Variants in SYNRG observed in about 807,000 individuals in gnomAD.
SYNRG encodes AP1 gamma subunit binding protein 1.
A neutral mutation model predicts 130.9 loss-of-function variants in SYNRG; 37 were observed. That is an observed-to-expected ratio of 0.28 (90% CI 0.22 to 0.37). The LOEUF is 0.37. Among genes scored for constraint, SYNRG ranks in the 10% least tolerant of loss-of-function variants. The probability of loss-of-function intolerance (pLI) is 1.00; values close to 1 mark genes in which losing one functional copy is unlikely to be tolerated. For synonymous variants in SYNRG, 539 were observed against 568.1 expected (o/e 0.95, Z 0.73); for missense variants, 1,338 against 1,588.9 (o/e 0.84, Z 2.68).
At chr17:37,577,177 TA>T (rs938420072) in intron 7 of SYNRG, among the ~76,000 whole-genome samples, 4 of 152,192 alleles carry the variant, frequency 2.6e-5, no homozygotes, top group Non-Finnish European at 5.9e-5. Context: ...AAATCATTTT[TA>T]AAAAGGAGTA....
intron 1 of SYNRG, among the ~76,000 whole-genome samples, chr17:37,607,977 A>AAAACAAAAAC (rs1555802870): frequency 1.7e-4 from 21 of 121,614 alleles, no homozygotes; most frequent in East Asian, 4.5e-4. Flanking sequence ...AAAAAAAAAA[A>AAAACAAAAAC]AAACAAGACA....
chr17:37,527,550 G>T (rs941411434), intron 19 of SYNRG, among the ~76,000 whole-genome samples: 1 of 151,922 alleles, frequency 6.6e-6, no homozygotes, highest in Non-Finnish European at 1.5e-5. Flanking sequence ...CACATCTGTG[G>T]GTTCAACCAA....
chr17:37,563,767 C>G (rs1213999846), intron 11 of SYNRG, among the ~76,000 whole-genome samples: 1 of 151,856 alleles, frequency 6.6e-6, no homozygotes. Flanking sequence ...AAATCCTGGG[C>G]TCAAGTGATC....
At chr17:37,587,124 C>T (rs1033705594) in intron 3 of SYNRG, among the ~76,000 whole-genome samples, 2 of 151,994 alleles carry the variant, frequency 1.3e-5, no homozygotes, top group Admixed American at 1.3e-4. Flanking sequence ...ATAATAATAA[C>T]ACAATAGCTA....
In SYNRG at chr17:37,547,463, CT is replaced by C. The variant is rs35053528; in HGVS notation, c.2609-4899del. Among the ~76,000 whole-genome samples the C allele has an allele frequency of 9.1e-3, 1,267 of 138,902 alleles. 7 individuals are homozygous for C. The highest frequency in any genetic ancestry group is 0.029 in the South Asian group (130 of 4,418). 91.1% of individuals were successfully genotyped at this position (138,902 alleles called of 152,430 possible). A position where few individuals can be genotyped will look rare whatever the true frequency, so the allele number is the denominator to read the frequency against. On this transcript the variant is annotated intron_variant, in intron 14 of 21. Coordinates refer to ENST00000612223, the MANE Select transcript of SYNRG (RefSeq NM_007247.6). ...GTGTTCCCTTCATGTTCATTTGCTG[CT>C]TTTTTTTTTTTTTTGGAGATGGAGT... is the stretch of plus-strand genomic sequence containing the variant.
rs1386097591 is a variant in SYNRG at position 37,515,096 on chromosome 17, T to TA, written c.*3843dup. On this transcript the variant is annotated 3_prime_UTR_variant, in exon 22 of 22. Coordinates refer to ENST00000612223, the MANE Select transcript of SYNRG (RefSeq NM_007247.6). ...CCCACATGAATACTTTTTAACCACT[T>TA]ACATTCACGTCAACATATAAATAAT... 2.6e-5 allele frequency: 4 copies of TA among 152,216 alleles called. No individual in the cohort carries two copies. The highest frequency in any genetic ancestry group is 4.8e-5 in the African/African-American group (2 of 41,450). The allele number at this position is 152,216 out of a possible 1,614,324, so 9.4% of individuals were successfully genotyped here.
At chr17:37,595,812 T>C (rs2062718263) in intron 3 of SYNRG, among the ~76,000 whole-genome samples, 1 of 150,514 alleles carries the variant, frequency 6.6e-6, no homozygotes, top group Non-Finnish European at 1.5e-5. Context: ...TGGAGTACAG[T>C]GGCATGATCT....
chr17:37,578,462 T>C (rs543142829), intron 6 of SYNRG, among the ~76,000 whole-genome samples: 1 of 152,304 alleles, frequency 6.6e-6, no homozygotes, highest in East Asian at 1.9e-4. Flanking sequence ...TATGAGACAG[T>C]AGGTGGAAGA....
At chr17:37,549,476 A>T (rs1218268458) in intron 14 of SYNRG, among the ~76,000 whole-genome samples, 1 of 152,156 alleles carries the variant, frequency 6.6e-6, no homozygotes, top group Non-Finnish European at 1.5e-5. Flanking sequence ...CTAAAGTAAC[A>T]TGTTTTAAGA....
At chr17:37,571,290 A>G (rs960459441) in intron 9 of SYNRG, among the ~76,000 whole-genome samples, 1 of 152,194 alleles carries the variant, frequency 6.6e-6, no homozygotes, top group Admixed American at 6.5e-5. Flanking sequence ...GTTAATATTA[A>G]AAGTCTTTAG....
intron 19 of SYNRG, among the ~76,000 whole-genome samples, chr17:37,521,761 T>C (rs1341237873): frequency 6.6e-6 from 1 of 151,754 alleles, no homozygotes; most frequent in Non-Finnish European, 1.5e-5. Context: ...CGGTGGGGAA[T>C]GGAGAGAAAT....
At chr17:37,568,639 A>G (rs1346851075) in intron 11 of SYNRG, 152 bp downstream of exon 11, 12 of 805,482 alleles carry the variant, frequency 1.5e-5, no homozygotes, top group Non-Finnish European at 2.0e-5. Flanking sequence ...AGAAGTTTGA[A>G]AAGTAAAAGT....
rs1164163334 is a variant in SYNRG at position 37,570,867 on chromosome 17, T to C, written c.1117A>G (p.Ser373Gly). 8.7e-6 allele frequency: 14 copies of C among 1,613,374 alleles called. No individual in the cohort carries two copies. Among genetic ancestry groups the C allele is most frequent in the Non-Finnish European group, 1.2e-5 (14 of 1,179,746 alleles). The change falls in exon 10 of 22, where the codon AGT becomes GGT. Residue 373 changes from serine (S) to glycine (G), a missense_variant. By Grantham distance (56) the Ser-to-Gly change is moderately conservative (BLOSUM62 0). Around this residue, in one of 3 missense-constraint regions of SYNRG, gnomAD observed 1,146 missense variants for 1,342.3 expected, o/e 0.85. Coordinates refer to ENST00000612223, the MANE Select transcript of SYNRG (RefSeq NM_007247.6). ...GGGAACTGGTTTAAAGCATCAGGAC[T>C]CATTGCAGGAACGCCCCTCTACAAA... ...AVTQRGVPAMSPDALNQFPAA... is the reference protein window; with the variant it reads ...AVTQRGVPAMGPDALNQFPAA...
At chr17:37,584,827 T>A in intron 5 of SYNRG, 68 bp from the exon 6 acceptor site, 1 of 1,178,916 alleles carries the variant, frequency 8.5e-7, no homozygotes, top group Non-Finnish European at 1.2e-6. Flanking sequence ...CCTCCCAAAT[T>A]AAGAAAAGCA....
intron 19 of SYNRG, among the ~76,000 whole-genome samples, chr17:37,530,733 G>A (rs1219016630): frequency 6.6e-6 from 1 of 152,190 alleles, no homozygotes; most frequent in Non-Finnish European, 1.5e-5. Context: ...TAGAGGATAA[G>A]TAGTAAACTA....
intron 13 of SYNRG, among the ~76,000 whole-genome samples, chr17:37,558,911 A>C (rs926580652): frequency 2.6e-5 from 4 of 152,190 alleles, no homozygotes; most frequent in African/African-American, 9.7e-5. Context: ...TCTAACATGA[A>C]GGATTTGGTA....
chr17:37,562,300 T>C (rs1353290130), intron 11 of SYNRG, among the ~76,000 whole-genome samples: 1 of 152,248 alleles, frequency 6.6e-6, no homozygotes, highest in African/African-American at 2.4e-5. Flanking sequence ...TGTGGACATA[T>C]TTCGTGCTGG....
At chr17:37,563,277 T>C (rs2145731339) in intron 11 of SYNRG, among the ~76,000 whole-genome samples, 1 of 152,358 alleles carries the variant, frequency 6.6e-6, no homozygotes, top group Middle Eastern at 3.4e-3. Context: ...GAGAAAGGCA[T>C]ATATGATTTT....
At chr17:37,522,156 C>CACACACACACACACACACAA (rs1002250003) in intron 19 of SYNRG, among the ~76,000 whole-genome samples, 23 of 151,874 alleles carry the variant, frequency 1.5e-4, no homozygotes, top group African/African-American at 5.3e-4. Context: ...CACACACACA[C>CACACACACACACACACACAA]AATGGTTAAA....
Sources: allele counts gnomAD v4.1 joint callset (sites outside exome capture counted in the v4.1 genomes callset), GRCh38; gene constraint gnomAD v4.1.1; regional missense constraint gnomAD v4.1.1; transcripts MANE v1.5; gene names NCBI Gene and HGNC (gene_info 2026-07-23, HGNC 2026-07-21).